Variants in ADGRF3 observed in about 807,000 individuals in gnomAD.
ADGRF3 encodes adhesion G protein-coupled receptor F3.
A neutral mutation model predicts 93.2 loss-of-function variants in ADGRF3; 85 were observed. That is an observed-to-expected ratio of 0.91 (90% confidence interval 0.77 to 1.09). ADGRF3 has a LOEUF of 1.09. Among genes scored for constraint, ADGRF3 ranks in the 50% least tolerant of loss-of-function variants. The pLI is 0.00. For synonymous variants in ADGRF3, 534 were observed against 532.5 expected (o/e 1.00, Z -0.04); for missense variants, 1,125 against 1,246.2 (o/e 0.90, Z 1.46).
chr2:26,316,024 A>C (rs1361635295), intron 4 of ADGRF3, among the ~76,000 whole-genome samples: 2 of 152,060 alleles, frequency 1.3e-5, no homozygotes, highest in African/African-American at 2.4e-5. Context: ...CTGCCTCCTA[A>C]GGTAAAAAGC....
Position 26,313,087 on chromosome 2 carries a change from C to T in ADGRF3, c.1305G>A (p.Glu435=). Residue 435 remains glutamate, a synonymous_variant, in exon 9 of 14, where the codon GAG becomes GAA. Coordinates refer to ENST00000651242, the MANE Select transcript of ADGRF3 (RefSeq NM_001321971.2). ...LQAGQGSPAE[E]VPQILAQLPG... ...GCAGCTGTGCCAGGATCTGTGGCAC[C>T]TCCTCAGCAGGACTGCCCTGGCCTG... 1 of 1,614,002 alleles carries T rather than the reference C, an allele frequency of 6.2e-7. No homozygotes were observed. Among genetic ancestry groups the T allele is most frequent in the Non-Finnish European group, 8.5e-7 (1 of 1,179,896 alleles).
rs1558390867 is a variant in ADGRF3, at chr2:26,319,569, T to TCCCTTCCTC, written c.115-2008_115-2007insGAGGAAGGG. On this transcript the variant is annotated intron_variant, in intron 1 of 13. Transcript: ENST00000651242. ...TCTCTCCCTCCCTCCCTCCCTCCCTTCCTTCCTTCCTTCCTTCCTTCCTTC... is the reference window on the plus strand; with the variant it reads ...TCTCTCCCTCCCTCCCTCCCTCCCTTCCCTTCCTCCCTTCCTTCCTTCCTTCCTTCCTTC... Among the ~76,000 whole-genome samples, 127 of 70,882 alleles carry TCCCTTCCTC rather than the reference T, an allele frequency of 1.8e-3. 1 individual carries two copies. Among genetic ancestry groups the TCCCTTCCTC allele is most frequent in the African/African-American group, 7.7e-3 (119 of 15,446 alleles). 46.5% of individuals were successfully genotyped at this position (70,882 alleles called of 152,430 possible). A position where few individuals can be genotyped will look rare whatever the true frequency, so the allele number is the denominator to read the frequency against.
At chr2:26,340,578 G>C (rs1676322931) in intron 1 of ADGRF3, 1 of 152,226 alleles carries the variant, frequency 6.6e-6, no homozygotes, top group African/African-American at 2.4e-5. Context: ...CATTAGATGA[G>C]ATTAACATTG....
chr2:26,317,465 C>G (rs745375030), intron 2 of ADGRF3, 31 bp downstream of exon 2: 37 of 1,565,366 alleles, frequency 2.4e-5, no homozygotes, highest in Non-Finnish European at 3.1e-5. Context: ...CATCTCCTCC[C>G]CCTCCCTCCT....
chr2:26,343,450 A>C (rs76079114), intron 1 of ADGRF3, among the ~76,000 whole-genome samples: 1 of 141,716 alleles, frequency 7.1e-6, no homozygotes, highest in Admixed American at 7.0e-5. Flanking sequence ...TTTTTTTTTT[A>C]TTTTTTTGAG....
At chr2:26,319,075 C>T (rs957843883) in intron 1 of ADGRF3, 13 of 1,534,324 alleles carry the variant, frequency 8.5e-6, no homozygotes, top group Admixed American at 2.0e-5. Flanking sequence ...TCCCTACAAG[C>T]CCACGATGCA....
chr2:26,328,476 C>CG (rs36002027), intron 1 of ADGRF3, among the ~76,000 whole-genome samples: 40,618 of 131,374 alleles, frequency 0.31, 6,825 homozygotes, highest in Middle Eastern at 0.5. Flanking sequence ...TTTTTTGAGA[C>CG]GGAGTCTCGC....
chr2:26,318,075 C>T (rs758949594), intron 1 of ADGRF3: 130 of 1,550,778 alleles, frequency 8.4e-5, no homozygotes, highest in South Asian at 4.2e-4. Flanking sequence ...CTTGGGCCAT[C>T]GGCCAAAGCT....
intron 1 of ADGRF3, among the ~76,000 whole-genome samples, chr2:26,321,324 A>G (rs1675137171): frequency 6.6e-6 from 1 of 152,148 alleles, no homozygotes; most frequent in South Asian, 2.1e-4. Context: ...GAGAAAACAC[A>G]GGTGCTGGAG....
intron 1 of ADGRF3, among the ~76,000 whole-genome samples, chr2:26,336,718 TC>T (rs1676062956): frequency 1.8e-5 from 1 of 56,872 alleles, no homozygotes; most frequent in Non-Finnish European, 3.0e-5. Context: ...AGAGTGAGAC[TC>T]CATAAAAAAA....
chr2:26,315,768 C>G, intron 4 of ADGRF3, 28 bp from the exon 5 acceptor site: 1 of 1,550,396 alleles, frequency 6.4e-7, no homozygotes, highest in Non-Finnish European at 8.7e-7. Flanking sequence ...ACAGGGGACC[C>G]TGGAGGAGGG....
Position 26,313,418 on chromosome 2 carries a change from A to G in ADGRF3, c.1228T>C (p.Cys410Arg). The G allele has an allele frequency of 6.2e-7, 1 of 1,608,264 alleles. No individual in the cohort carries two copies. Among genetic ancestry groups the G allele is most frequent in the Non-Finnish European group, 8.5e-7 (1 of 1,177,506 alleles). ...AAGGCCAGGAGCCTCGCATCTGTGC[A>G]GCTGCTGTGGACCGGCCCCCAGACT... ...DGVWGPVHSS[C>R]TDARLLALFT... Residue 410 changes from cysteine to arginine, a missense_variant, in exon 8 of 14, where the codon TGC (cysteine) becomes CGC (arginine). Coordinates refer to ENST00000651242, the MANE Select transcript of ADGRF3 (RefSeq NM_001321971.2).
At chr2:26,316,594 C>T (rs763285510) in intron 3 of ADGRF3, 146 bp from the exon 4 acceptor site, 1 of 815,742 alleles carries the variant, frequency 1.2e-6, no homozygotes, top group Non-Finnish European at 1.9e-6. Flanking sequence ...CAGGCCCATG[C>T]ATCAGGACTG....
chr2:26,345,257 T>C (rs1676643527), intron 1 of ADGRF3, among the ~76,000 whole-genome samples: 1 of 151,462 alleles, frequency 6.6e-6, no homozygotes, highest in African/African-American at 2.4e-5. Flanking sequence ...AAAATTTTAT[T>C]AGTAGATACT....
Position 26,336,722 on chromosome 2 carries a change from T to TAAAAAAAA in ADGRF3, c.114+9391_114+9398dup, listed in dbSNP as rs57691864. On this transcript the variant is annotated intron_variant, in intron 1 of 13. Transcript: ENST00000651242. ...ACCTTGGTGACAGAGTGAGACTCCATAAAAAAAAAAAAAAAAAAAAAAAAA... is the reference window on the plus strand; with the variant it reads ...ACCTTGGTGACAGAGTGAGACTCCATAAAAAAAAAAAAAAAAAAAAAAAAAAAAAAAAA... Among the ~76,000 whole-genome samples, 36 of 22,050 alleles carry TAAAAAAAA rather than the reference T, an allele frequency of 1.6e-3. 3 individuals carry two copies. Among genetic ancestry groups the TAAAAAAAA allele is most frequent in the Non-Finnish European group, 2.0e-3 (19 of 9,400 alleles). The allele number at this position is 22,050 out of a possible 152,430, so 14.5% of individuals were successfully genotyped here.
At chr2:26,312,326 GA>G (rs1280637316) in intron 9 of ADGRF3, among the ~76,000 whole-genome samples, 1 of 152,154 alleles carries the variant, frequency 6.6e-6, no homozygotes, top group East Asian at 1.9e-4. Context: ...CCCCTCTGCT[GA>G]AAACCCTTCT....
At chr2:26,314,910 C>G (rs968856649) in intron 5 of ADGRF3, 1 of 415,922 alleles carries the variant, frequency 2.4e-6, no homozygotes, top group South Asian at 4.1e-5. Flanking sequence ...ATTTTAGCAT[C>G]TTGAAAAACA....
At chr2:26,319,343 CTA>C (rs1674971215) in intron 1 of ADGRF3, among the ~76,000 whole-genome samples, 1 of 152,160 alleles carries the variant, frequency 6.6e-6, no homozygotes, top group African/African-American at 2.4e-5. Context: ...AGCAACATGT[CTA>C]TAAGCCAGGT....
At chr2:26,338,356 CAAAG>C (rs764530634) in intron 1 of ADGRF3, among the ~76,000 whole-genome samples, 2 of 152,208 alleles carry the variant, frequency 1.3e-5, no homozygotes, top group African/African-American at 2.4e-5. Flanking sequence ...TCTAAAAAAA[CAAAG>C]AGAGAGAGAG....
Sources: gnomAD v4.1 joint callset for allele counts (sites outside exome capture counted in the v4.1 genomes callset) on GRCh38, gnomAD v4.1.1 for gene constraint, MANE v1.5 for transcripts, NCBI Gene and HGNC (gene_info 2026-07-23, HGNC 2026-07-21) for gene names.